The following NOL11 variants were observed in gnomAD, a reference collection of about 807,000 sequenced individuals.
NOL11 encodes the protein nucleolar protein 11.
Under a neutral mutation model 93.0 loss-of-function variants are expected in NOL11, and 42 were observed. That is an observed-to-expected ratio of 0.45 (90% confidence interval 0.35 to 0.58). The LOEUF (loss-of-function observed/expected upper bound fraction) is 0.58, where lower values mean the gene tolerates loss of function less well. Ranked by LOEUF, NOL11 falls within the 20% of genes least tolerant of loss-of-function variation. NOL11 has a pLI of 0.00. For synonymous variants in NOL11, 296 were observed against 293.7 expected (o/e 1.01, Z -0.08); for missense variants, 775 against 841.8 (o/e 0.92, Z 0.98).
Position 67,719,063 on chromosome 17 carries a change from T to C in NOL11, c.142-611T>C, listed in dbSNP as rs201230108. On this transcript the variant is annotated intron_variant, in intron 1 of 17. Coordinates refer to ENST00000253247, the MANE Select transcript of NOL11 (RefSeq NM_015462.5). ...TTTTTTTAACAAAGGGTTGCTTATT[T>C]ACTTATTTAGGAACTTAGTTATATT... is the stretch of plus-strand genomic sequence containing the variant. 3.7e-4 allele frequency: 57 copies of C among 152,302 alleles called. No individual in the cohort carries two copies. In the East Asian group the frequency reaches 9.9e-3, roughly 26 times the overall value. 9.4% of individuals were successfully genotyped at this position (152,302 alleles called of 1,614,324 possible).
intron 4 of NOL11, among the ~76,000 whole-genome samples, chr17:67,721,963 T>C (rs1226750349): frequency 6.6e-6 from 1 of 152,238 alleles, no homozygotes; most frequent in Non-Finnish European, 1.5e-5. Context: ...TTCCACATCT[T>C]TCTGATACTC....
intron 16 of NOL11, 135 bp downstream of exon 16, chr17:67,739,743 A>C: frequency 1.3e-5 from 8 of 604,990 alleles, no homozygotes. Context: ...CATAAAACCA[A>C]ACCACTGCAG....
chr17:67,724,712 C>T (rs1407148391), intron 6 of NOL11, among the ~76,000 whole-genome samples: 1 of 152,180 alleles, frequency 6.6e-6, no homozygotes, highest in African/African-American at 2.4e-5. Context: ...TATTGAAGTA[C>T]TTTAGATACA....
chr17:67,739,065 T>C, intron 15 of NOL11, 55 bp downstream of exon 15: 1 of 1,243,894 alleles, frequency 8.0e-7, no homozygotes, highest in South Asian at 1.2e-5. Flanking sequence ...ATATTGCTAT[T>C]TAACTCTAAC....
chr17:67,735,849 A>G lies in NOL11; in HGVS notation c.931-51A>G, dbSNP rs150841382. On this transcript the variant is annotated intron_variant, in intron 8 of 17. Transcript: ENST00000253247. Reference sequence around the variant, plus strand: ...GAGTGATAAGGCTTTATTGAGTCATACCTTAGAAGAGAAAAAAATTTGCTT... The same window carrying G: ...GAGTGATAAGGCTTTATTGAGTCATGCCTTAGAAGAGAAAAAAATTTGCTT... 335 of 1,497,040 alleles carry G rather than the reference A, an allele frequency of 2.2e-4. No individual in the cohort carries two copies. In the African/African-American group the frequency reaches 4.3e-3, roughly 19 times the overall value. 92.7% of individuals were successfully genotyped at this position (1,497,040 alleles called of 1,614,324 possible). A position where few individuals can be genotyped will look rare whatever the true frequency, so the allele number is the denominator to read the frequency against.
intron 8 of NOL11, 58 bp downstream of exon 8, chr17:67,734,497 T>A: frequency 2.5e-6 from 3 of 1,186,864 alleles, no homozygotes; most frequent in Non-Finnish European, 3.7e-6. Context: ...TGTTTTGTTT[T>A]GCTTTGTTTT....
intron 1 of NOL11, 34 bp from the exon 2 acceptor site, chr17:67,719,640 T>C: frequency 3.7e-6 from 4 of 1,080,840 alleles, no homozygotes; most frequent in Non-Finnish European, 5.6e-6. Context: ...TGAAGTTGAC[T>C]TCTTGAATAT....
Position 67,737,581 on chromosome 17 carries a change from C to T in NOL11, c.1292C>T (p.Thr431Ile), listed in dbSNP as rs1287011200. 12 of 1,613,768 alleles carry T rather than the reference C, an allele frequency of 7.4e-6. No homozygotes were observed. The highest frequency in any genetic ancestry group is 2.7e-5 in the African/African-American group (2 of 74,934). Residue 431 changes from threonine (T) to isoleucine (I), a missense_variant, in exon 12 of 18, where the codon ACT (threonine) becomes ATT (isoleucine). Coordinates refer to ENST00000253247, the MANE Select transcript of NOL11 (RefSeq NM_015462.5). ...LALKQTPDFHTVIGDTVTGLL... is the reference protein window; with the variant it reads ...LALKQTPDFHIVIGDTVTGLL... Reference sequence around the variant, plus strand: ...CTGAAGCAGACACCTGACTTTCATACTGTCATTGGGGACACAGTAACAGGA... The same window carrying T: ...CTGAAGCAGACACCTGACTTTCATATTGTCATTGGGGACACAGTAACAGGA...
chr17:67,736,779 A>C (rs780150964), intron 10 of NOL11, 25 bp downstream of exon 10: 2 of 1,462,740 alleles, frequency 1.4e-6, no homozygotes, highest in African/African-American at 1.4e-5. Context: ...TGAAATTGAA[A>C]CATTAGTGCA....
chr17:67,736,702 C>T lies in NOL11; in HGVS notation c.1091C>T (p.Thr364Ile). The T allele has an allele frequency of 1.9e-6, 3 of 1,612,566 alleles. No individual in the cohort carries two copies. Among genetic ancestry groups the T allele is most frequent in the Non-Finnish European group, 2.5e-6 (3 of 1,179,204 alleles). ...HVVSHFVNWE[T>I]PQGCGLGFQN... ...GTGTCCCATTTTGTAAACTGGGAGA[C>T]ACCTCAAGGATGTGGACTTGGGTTC... Residue 364 changes from threonine (T) to isoleucine (I), a missense_variant, in exon 10 of 18, where the codon ACA becomes ATA. Around this residue, in one of 2 missense-constraint regions of NOL11, gnomAD observed 416 missense variants for 525.2 expected, o/e 0.79. Transcript: ENST00000253247.
chr17:67,733,257 C>T (rs769212023), intron 7 of NOL11, among the ~76,000 whole-genome samples: 2 of 151,982 alleles, frequency 1.3e-5, no homozygotes, highest in African/African-American at 2.4e-5. Context: ...CCCAGCTACT[C>T]GGGAGGCTGA....
chr17:67,727,862 A>G (rs910652953), intron 7 of NOL11, among the ~76,000 whole-genome samples: 20 of 146,140 alleles, frequency 1.4e-4, no homozygotes, highest in Admixed American at 1.3e-3. Context: ...TGGAGGTTGC[A>G]GTGAGCCGAG....
At chr17:67,741,879 T>C (rs1303499883) in intron 16 of NOL11, among the ~76,000 whole-genome samples, 8 of 152,304 alleles carry the variant, frequency 5.3e-5, no homozygotes, top group Non-Finnish European at 2.9e-5. Flanking sequence ...AGCACTGTTT[T>C]AGACATTTCC....
chr17:67,718,171 C>G (rs2043190402), intron 1 of NOL11, 83 bp downstream of exon 1: 2 of 1,551,808 alleles, frequency 1.3e-6, no homozygotes, highest in Non-Finnish European at 1.8e-6. Flanking sequence ...TTTCTCACAG[C>G]TTCAGAAAGA....
Position 67,722,634 on chromosome 17 carries a change from A to C in NOL11, c.516A>C (p.Glu172Asp). 6.4e-7 allele frequency: 1 copy of C among 1,569,228 alleles called. No homozygotes were observed. The highest frequency in any genetic ancestry group is 8.6e-7 in the Non-Finnish European group (1 of 1,166,976). The change falls in exon 5 of 18, where the codon GAA becomes GAC. Residue 172 changes from glutamate to aspartate, a missense_variant. Physicochemically the swap from Glu to Asp is conservative, Grantham distance 45 (BLOSUM62 2). This residue lies in a region of NOL11 where 359 missense variants were observed against 316.5 expected (regional missense o/e 1.13). Coordinates refer to ENST00000253247, the MANE Select transcript of NOL11 (RefSeq NM_015462.5). ...FRHPVLIFIT[E>D]KHGNYFAYVQ... ...ATCCTGTTTTAATTTTTATTACTGA[A>C]AAAGTAAGTGATATCTTCAATTCCT...
At chr17:67,743,077 C>A (rs1341664945) in intron 16 of NOL11, among the ~76,000 whole-genome samples, 1 of 152,096 alleles carries the variant, frequency 6.6e-6, no homozygotes, top group Non-Finnish European at 1.5e-5. Context: ...CCCATCTCTA[C>A]AAAAATTGCT....
At chr17:67,736,849 A>C in intron 10 of NOL11, 95 bp downstream of exon 10, 1 of 945,352 alleles carries the variant, frequency 1.1e-6, no homozygotes, top group African/African-American at 1.6e-5. Flanking sequence ...TACAACTCTT[A>C]GAGCTTTGAC....
intron 5 of NOL11, 139 bp from the exon 6 acceptor site, chr17:67,723,906 AAAAC>A (rs2055060836): frequency 6.8e-6 from 4 of 589,770 alleles, no homozygotes; most frequent in African/African-American, 1.9e-5. Context: ...ACCCTGTCTC[AAAAC>A]AAACAAATTT....
At chr17:67,736,596 C>T (rs2055204250) in intron 9 of NOL11, 70 bp from the exon 10 acceptor site, 2 of 921,304 alleles carry the variant, frequency 2.2e-6, no homozygotes, top group Admixed American at 2.5e-5. Context: ...TTAAATTGTT[C>T]TTTGATTGTT....
Sources: gnomAD v4.1 joint callset for allele counts (sites outside exome capture counted in the v4.1 genomes callset) on GRCh38, gnomAD v4.1.1 for gene constraint, gnomAD v4.1.1 regional missense constraint, MANE v1.5 for transcripts, NCBI Gene and HGNC (gene_info 2026-07-23, HGNC 2026-07-21) for gene names.